The following RERE variants were observed in gnomAD, a reference collection of about 807,000 sequenced individuals.
RERE encodes the protein arginine-glutamic acid dipeptide repeats.
Under a neutral mutation model 146.1 loss-of-function variants are expected in RERE, and 40 were observed. That is an observed-to-expected ratio of 0.27 (90% CI 0.21 to 0.36). RERE has a LOEUF of 0.36. RERE is among the 10% of genes least tolerant of loss of function. RERE has a pLI of 1.00. For synonymous variants in RERE, 1,003 were observed against 866.0 expected, an observed-to-expected ratio of 1.16 and a Z score of -2.78; for missense variants, 1,933 against 2,138.7, an observed-to-expected ratio of 0.90 and a Z score of 1.90.
intron 4 of RERE, among the ~76,000 whole-genome samples, chr1:8,588,240 T>C (rs1187757833): frequency 6.6e-6 from 1 of 152,238 alleles, no homozygotes; most frequent in Non-Finnish European, 1.5e-5. Flanking sequence ...AAAGACCAAT[T>C]AACACAATGG....
chr1:8,764,749 C>T (rs1204558389), intron 1 of RERE, among the ~76,000 whole-genome samples: 1 of 152,158 alleles, frequency 6.6e-6, no homozygotes, highest in Non-Finnish European at 1.5e-5. Context: ...CCAGTAAGCA[C>T]AAGACAGAGG....
At chr1:8,580,435 A>T (rs1164826214) in intron 4 of RERE, among the ~76,000 whole-genome samples, 2 of 152,262 alleles carry the variant, frequency 1.3e-5, no homozygotes, top group African/African-American at 4.8e-5. Context: ...AATAAAATTT[A>T]AAAACACACA....
intron 1 of RERE, among the ~76,000 whole-genome samples, chr1:8,801,076 T>C (rs1416061888): frequency 1.3e-5 from 2 of 152,030 alleles, no homozygotes; most frequent in East Asian, 3.9e-4. Flanking sequence ...CTGAGCAACA[T>C]GGTAAAACCC....
intron 1 of RERE, among the ~76,000 whole-genome samples, chr1:8,736,221 T>G (rs1640194983): frequency 6.7e-6 from 1 of 150,068 alleles, no homozygotes; most frequent in Admixed American, 6.6e-5. Flanking sequence ...TTGTTTGTTT[T>G]TTGGAGACAG....
At chr1:8,492,697 C>T (rs760880950) in intron 10 of RERE, among the ~76,000 whole-genome samples, 23 of 152,180 alleles carry the variant, frequency 1.5e-4, no homozygotes, top group South Asian at 4.2e-4. Context: ...CCCAGGAGTC[C>T]GAGACCAGCC....
At chr1:8,578,235 TAC>T (rs1646320507) in intron 4 of RERE, among the ~76,000 whole-genome samples, 1 of 152,208 alleles carries the variant, frequency 6.6e-6, no homozygotes, top group Non-Finnish European at 1.5e-5. Context: ...CCTCTTTGAT[TAC>T]AGATTATGTC....
intron 1 of RERE, among the ~76,000 whole-genome samples, chr1:8,693,556 A>T (rs896661412): frequency 6.6e-6 from 1 of 152,204 alleles, no homozygotes. Flanking sequence ...TGGAGATATT[A>T]AAAAAGATCA....
chr1:8,625,597 T>C (rs947418547), intron 2 of RERE, among the ~76,000 whole-genome samples: 2 of 152,174 alleles, frequency 1.3e-5, no homozygotes, highest in South Asian at 2.1e-4. Context: ...TAAACCACCA[T>C]GGCCAGCCCA....
intron 1 of RERE, among the ~76,000 whole-genome samples, chr1:8,734,244 ACTC>A (rs753326804): frequency 6.6e-6 from 1 of 152,100 alleles, no homozygotes; most frequent in African/African-American, 2.4e-5. Flanking sequence ...AATTTAAAGA[ACTC>A]CTCCACATTT....
intron 2 of RERE, among the ~76,000 whole-genome samples, chr1:8,644,766 G>T (rs939687322): frequency 6.6e-6 from 1 of 152,152 alleles, no homozygotes; most frequent in East Asian, 1.9e-4. Context: ...GAGGAGCTGG[G>T]ACTACAGATG....
intron 3 of RERE, among the ~76,000 whole-genome samples, 200 bp from the exon 4 acceptor site, chr1:8,614,886 G>C (rs1321128778): frequency 6.6e-6 from 1 of 152,128 alleles, no homozygotes; most frequent in Non-Finnish European, 1.5e-5. Context: ...GTGAACAAAC[G>C]TATGACCCTT....
chr1:8,373,627 A>G, intron 12 of RERE, among the ~76,000 whole-genome samples: 1 of 152,164 alleles, frequency 6.6e-6, no homozygotes, highest in Non-Finnish European at 1.5e-5. Context: ...CGGTCCCAGG[A>G]AGTCTGCATG....
intron 11 of RERE, among the ~76,000 whole-genome samples, chr1:8,431,541 C>T (rs550915780): frequency 3.3e-5 from 5 of 151,998 alleles, no homozygotes; most frequent in African/African-American, 2.4e-5. Flanking sequence ...AAATGTAATG[C>T]GCTTGAATCA....
chr1:8,486,399 A>T (rs1179645197), intron 10 of RERE, among the ~76,000 whole-genome samples: 1 of 152,188 alleles, frequency 6.6e-6, no homozygotes, highest in Non-Finnish European at 1.5e-5. Context: ...AAAAAATAAA[A>T]CTTAGAGAAG....
chr1:8,519,436 T>C (rs541430393), intron 7 of RERE, among the ~76,000 whole-genome samples: 9 of 152,222 alleles, frequency 5.9e-5, no homozygotes, highest in South Asian at 2.1e-4. Flanking sequence ...CTGTCGCTAA[T>C]AAAATTTTAA....
chr1:8,413,523 T>C (rs1643671037), intron 12 of RERE, among the ~76,000 whole-genome samples: 1 of 151,426 alleles, frequency 6.6e-6, no homozygotes, highest in South Asian at 2.1e-4. Context: ...TTTGTATTTT[T>C]TGTAGAGATG....
rs1646008672 is a variant in RERE, at chr1:8,556,507, A to T, written c.693T>A (p.Asp231Glu). Residue 231 changes from aspartate to glutamate, a missense_variant, in exon 6 of 23, where the codon GAT becomes GAA. Physicochemically the swap from Asp to Glu is conservative, Grantham distance 45. Coordinates refer to ENST00000400908, the MANE Select transcript of RERE (RefSeq NM_001042681.2). ...CAGCAGCATGGTAAGTGTCAACGTA[A>T]TCAGAAATGAAGAGCTCTCGGTTCT... ...VIKNRELFISDYVDTYHAAAL... is the reference protein window; with the variant it reads ...VIKNRELFISEYVDTYHAAAL... The T allele has an allele frequency of 6.2e-7, 1 of 1,610,844 alleles. No homozygotes were observed. The highest frequency in any genetic ancestry group is 8.5e-7 in the Non-Finnish European group (1 of 1,177,006).
intron 1 of RERE, among the ~76,000 whole-genome samples, chr1:8,659,326 G>T (rs190619513): frequency 6.6e-6 from 1 of 152,256 alleles, no homozygotes; most frequent in Non-Finnish European, 1.5e-5. Flanking sequence ...GGAGGCTGAA[G>T]CGGGCGGATC....
chr1:8,809,132 T>C lies in RERE; in HGVS notation c.-145+8028A>G, dbSNP rs567738486. 2.6e-3 allele frequency among the ~76,000 whole-genome samples: 352 copies of C among 136,622 alleles called. 3 individuals are homozygous for C. Among genetic ancestry groups the C allele is most frequent in the African/African-American group, 0.01 (331 of 32,042 alleles). The allele number at this position is 136,622 out of a possible 152,430, so 89.6% of individuals were successfully genotyped here. ...CAGCCTGGGCGACAGAGCGAGACTT[T>C]GTCTTAAAAAAAAAAAAAAAAAAAA... On this transcript the variant is annotated intron_variant, in intron 1 of 22. Coordinates refer to ENST00000400908, the MANE Select transcript of RERE (RefSeq NM_001042681.2).
Sources: allele counts gnomAD v4.1 joint callset (sites outside exome capture counted in the v4.1 genomes callset), GRCh38; gene constraint gnomAD v4.1.1; transcripts MANE v1.5; gene names NCBI Gene and HGNC (gene_info 2026-07-23, HGNC 2026-07-21).